The following SDK1 variants were observed in gnomAD, a reference collection of about 807,000 sequenced individuals.
SDK1 encodes sidekick cell adhesion molecule 1, also known as protein sidekick-1.
A neutral mutation model predicts 245.5 loss-of-function variants in SDK1; 157 were observed. The ratio of observed to expected loss-of-function variants is 0.64; its 90% CI spans 0.56 to 0.73. The LOEUF (loss-of-function observed/expected upper bound fraction) is 0.73, where lower values mean the gene tolerates loss of function less well. SDK1 is among the 30% of genes least tolerant of loss of function. The pLI is 0.00. For synonymous variants in SDK1, 1,647 were observed against 1,278.5 expected, an observed-to-expected ratio of 1.29 and a Z score of -6.15; for missense variants, 3,583 against 3,002.3, an observed-to-expected ratio of 1.19 and a Z score of -4.52.
chr7:4,191,483 G>A lies in SDK1; in HGVS notation c.5098+12897G>A, dbSNP rs142551570. ...CATCCTGAGTTTCACTCCTTAGCCA[G>A]CTTCTCTGGGATCCCTCCAGGTCGC... On this transcript the variant is annotated intron_variant, in intron 35 of 44. Coordinates refer to ENST00000404826, the MANE Select transcript of SDK1 (RefSeq NM_152744.4). Among the ~76,000 whole-genome samples the A allele has an allele frequency of 2.1e-3, 324 of 152,370 alleles. 4 individuals are homozygous for A. Among genetic ancestry groups the A allele is most frequent in the African/African-American group, 7.4e-3 (308 of 41,594 alleles).
At chr7:3,835,291 A>C (rs572338501) in intron 5 of SDK1, among the ~76,000 whole-genome samples, 1 of 152,220 alleles carries the variant, frequency 6.6e-6, no homozygotes, top group African/African-American at 2.4e-5. Context: ...TTATCGACTC[A>C]TGTTTCTTCT....
At chr7:3,504,961 T>C (rs936752621) in intron 1 of SDK1, among the ~76,000 whole-genome samples, 2 of 152,142 alleles carry the variant, frequency 1.3e-5, no homozygotes, top group Admixed American at 1.3e-4. Flanking sequence ...AGTTTCCAAA[T>C]GTAATGGAGA....
chr7:3,914,057 G>T (rs1252197285), intron 5 of SDK1, among the ~76,000 whole-genome samples: 2 of 152,166 alleles, frequency 1.3e-5, no homozygotes, highest in Non-Finnish European at 2.9e-5. Flanking sequence ...GTTGAAAAAG[G>T]TAAGGAGCGG....
At chr7:3,685,212 GTT>G (rs1562369990) in intron 4 of SDK1, among the ~76,000 whole-genome samples, 2 of 148,454 alleles carry the variant, frequency 1.3e-5, no homozygotes. Context: ...TGAACATTAA[GTT>G]AAAAAAAAAA....
In SDK1 at chr7:4,174,637, G is replaced by A. The variant is rs532970839; in HGVS notation, c.4936+280G>A. ...AGGCCTCCAGTGACTGCACTCTACCGGCGTCAGTGGGGAAGGGCTTTGGGA... is the reference window on the plus strand; with the variant it reads ...AGGCCTCCAGTGACTGCACTCTACCAGCGTCAGTGGGGAAGGGCTTTGGGA... On this transcript the variant is annotated intron_variant, in intron 33 of 44. Coordinates refer to ENST00000404826, the MANE Select transcript of SDK1 (RefSeq NM_152744.4). Among the ~76,000 whole-genome samples the A allele has an allele frequency of 6.6e-5, 10 of 152,242 alleles. No homozygotes were observed. The East Asian group carries it at 9.7e-4, about 15-fold the overall frequency.
intron 20 of SDK1, among the ~76,000 whole-genome samples, chr7:4,071,375 A>G (rs1295909697): frequency 1.3e-5 from 2 of 152,356 alleles, no homozygotes; most frequent in East Asian, 1.9e-4. Flanking sequence ...TCTGCCTTCC[A>G]GAAGCTTATC....
chr7:3,458,129 GTTTGAAATTTTGCA>G (rs141950601), intron 1 of SDK1, among the ~76,000 whole-genome samples: 5,078 of 151,488 alleles, frequency 0.034, 120 homozygotes, highest in Non-Finnish European at 0.051. Context: ...TTCTTTGATG[GTTTGAAATTTTGCA>G]TTGATATTCG....
intron 4 of SDK1, among the ~76,000 whole-genome samples, chr7:3,757,385 A>G (rs1031906421): frequency 6.6e-6 from 1 of 151,938 alleles, no homozygotes; most frequent in African/African-American, 2.4e-5. Context: ...AGGTGCTACC[A>G]TGCCTGGTTA....
chr7:4,260,519 G>A (rs1173781854), intron 44 of SDK1, among the ~76,000 whole-genome samples: 5 of 126,852 alleles, frequency 3.9e-5, no homozygotes, highest in African/African-American at 3.1e-5. Flanking sequence ...TGGCTGCTCC[G>A]GGGTCTCTGT....
intron 4 of SDK1, among the ~76,000 whole-genome samples, chr7:3,669,611 C>T (rs1295385570): frequency 6.6e-6 from 1 of 152,098 alleles, no homozygotes; most frequent in African/African-American, 2.4e-5. Flanking sequence ...GTCTTTAAAC[C>T]TTGGATTTCC....
chr7:3,343,431 T>C lies in SDK1; in HGVS notation c.298+41547T>C, dbSNP rs140929188. On this transcript the variant is annotated intron_variant, in intron 1 of 44. Transcript: ENST00000404826. ...GTTATATGTTGTATAATTCCATTGA[T>C]GTAATATTTATGAAATGACAAAATT... 6.0e-3 allele frequency among the ~76,000 whole-genome samples: 917 copies of C among 152,294 alleles called. 32 individuals carry two copies. The highest frequency in any genetic ancestry group is 1.9e-3 in the Non-Finnish European group (126 of 68,022).
At chr7:3,951,219 G>GGGAC (rs1268326880) in intron 6 of SDK1, among the ~76,000 whole-genome samples, 185 bp downstream of exon 6, 1 of 152,094 alleles carries the variant, frequency 6.6e-6, no homozygotes, top group African/African-American at 2.4e-5. Flanking sequence ...GTCTTCCAGA[G>GGGAC]TCCCCCACTG....
chr7:4,054,863 C>T (rs985601387), intron 19 of SDK1, among the ~76,000 whole-genome samples: 33 of 152,064 alleles, frequency 2.2e-4, no homozygotes, highest in African/African-American at 7.5e-4. Flanking sequence ...ACATGATCAT[C>T]TGGTTTTTCT....
chr7:3,886,792 T>C (rs1165833293), intron 5 of SDK1, among the ~76,000 whole-genome samples: 1 of 152,212 alleles, frequency 6.6e-6, no homozygotes, highest in Non-Finnish European at 1.5e-5. Context: ...GGTATGATCC[T>C]GTAGTCTCAA....
chr7:4,034,211 C>T (rs1788050617), intron 17 of SDK1, among the ~76,000 whole-genome samples: 1 of 152,192 alleles, frequency 6.6e-6, no homozygotes, highest in African/African-American at 2.4e-5. Context: ...GTGACAAGGT[C>T]ATGAAAGTCA....
intron 5 of SDK1, among the ~76,000 whole-genome samples, chr7:3,873,396 T>A (rs1437232385): frequency 1.3e-5 from 2 of 152,182 alleles, no homozygotes; most frequent in Non-Finnish European, 2.9e-5. Flanking sequence ...TTTCAGTAGT[T>A]TGAATATCAT....
chr7:4,041,489 C>T (rs980703901), intron 17 of SDK1, among the ~76,000 whole-genome samples: 1 of 152,044 alleles, frequency 6.6e-6, no homozygotes, highest in Non-Finnish European at 1.5e-5. Flanking sequence ...TGAGGGTTCA[C>T]GCTTGGCACT....
chr7:3,988,101 A>G (rs1026122673), intron 14 of SDK1, among the ~76,000 whole-genome samples: 7 of 146,900 alleles, frequency 4.8e-5, no homozygotes, highest in South Asian at 2.2e-4. Flanking sequence ...TCTCCAGCTT[A>G]ACTTCTTCCC....
chr7:3,701,299 G>T (rs1315043360), intron 4 of SDK1, among the ~76,000 whole-genome samples: 1 of 152,196 alleles, frequency 6.6e-6, no homozygotes, highest in Non-Finnish European at 1.5e-5. Context: ...TGCTAAATTT[G>T]TGGCCAACAT....
Sources: gnomAD v4.1 joint callset for allele counts (sites outside exome capture counted in the v4.1 genomes callset) on GRCh38, gnomAD v4.1.1 for gene constraint, MANE v1.5 for transcripts, NCBI Gene and HGNC (gene_info 2026-07-23, HGNC 2026-07-21) for gene names.